Variants in DDX52 observed in about 807,000 individuals in gnomAD.
DDX52 encodes DExD-box helicase 52, also known as probable ATP-dependent RNA helicase DDX52.
Under a neutral mutation model 76.1 loss-of-function variants are expected in DDX52, and 59 were observed. The observed-to-expected ratio is 0.78, with a 90% CI of 0.63 to 0.96. DDX52 has a LOEUF of 0.96. Ranked by LOEUF, DDX52 falls within the 40% of genes least tolerant of loss-of-function variation. The probability of loss-of-function intolerance (pLI) is 0.00; values close to 1 mark genes in which losing one functional copy is unlikely to be tolerated. For synonymous variants in DDX52, 231 were observed against 244.1 expected (o/e 0.95, Z 0.50); for missense variants, 707 against 703.9 (o/e 1.00, Z -0.05).
intron 4 of DDX52, 69 bp downstream of exon 4, chr17:37,632,044 G>C: frequency 2.5e-6 from 4 of 1,597,750 alleles, no homozygotes; most frequent in Non-Finnish European, 3.4e-6. Flanking sequence ...AGTTCAAGAA[G>C]AGAGGGAAGA....
At chr17:37,626,537 G>A (rs1335396422) in intron 7 of DDX52, among the ~76,000 whole-genome samples, 2 of 152,078 alleles carry the variant, frequency 1.3e-5, no homozygotes, top group African/African-American at 2.4e-5. Context: ...GCATGAAAAC[G>A]GACTAACACA....
chr17:37,621,054 T>A, intron 11 of DDX52, 73 bp downstream of exon 11: 2 of 1,555,284 alleles, frequency 1.3e-6, no homozygotes, highest in South Asian at 1.2e-5. Context: ...AGTGAGCATA[T>A]GTGCAGGGAA....
At chr17:37,624,208 C>T (rs997611134) in intron 9 of DDX52, 136 bp downstream of exon 9, 38 of 548,334 alleles carry the variant, frequency 6.9e-5, no homozygotes, top group Non-Finnish European at 3.2e-6. Context: ...AATGTACTTT[C>T]TTATCAATTT....
chr17:37,616,395 C>T (rs1226843396), intron 14 of DDX52, among the ~76,000 whole-genome samples: 1 of 151,896 alleles, frequency 6.6e-6, no homozygotes, highest in Non-Finnish European at 1.5e-5. Context: ...CTTGTAATCC[C>T]AGCACTTTGG....
rs765202428 is a variant in DDX52, at chr17:37,633,335, C to T, written c.370G>A (p.Glu124Lys). 1 of 1,611,960 alleles carries T rather than the reference C, an allele frequency of 6.2e-7. No individual in the cohort carries two copies. The highest frequency in any genetic ancestry group is 1.7e-5 in the Admixed American group (1 of 59,890). The change falls in exon 3 of 15, where the codon GAA becomes AAA. Residue 124 changes from glutamate (E) to lysine (K), a missense_variant. Coordinates refer to ENST00000617633, the MANE Select transcript of DDX52 (RefSeq NM_007010.5). ...AKIEDKKVQR[E>K]SKLTSGKLEN... Reference sequence around the variant, plus strand: ...AACTTTCCGGAAGTTAGTTTACTTTCTCTCTGAACTTTTTTGTCTTCAATC... The same window carrying T: ...AACTTTCCGGAAGTTAGTTTACTTTTTCTCTGAACTTTTTTGTCTTCAATC...
Position 37,614,085 on chromosome 17 carries a change from A to C in DDX52, c.*211T>G. 3.9e-6 allele frequency: 2 copies of C among 517,854 alleles called. No individual in the cohort carries two copies. Among genetic ancestry groups the C allele is most frequent in the Non-Finnish European group, 6.7e-6 (2 of 300,572 alleles). The allele number at this position is 517,854 out of a possible 1,614,324, so 32.1% of individuals were successfully genotyped here. ...CAAGACCAGCCTGGACAACATGGCA[A>C]GACCCTCATCTCTACAGGAAAAAAA... On this transcript the variant is annotated 3_prime_UTR_variant, in exon 15 of 15. Transcript: ENST00000617633.
At chr17:37,623,230 C>T (rs1439125195) in intron 9 of DDX52, among the ~76,000 whole-genome samples, 10 of 152,290 alleles carry the variant, frequency 6.6e-5, no homozygotes, top group African/African-American at 2.4e-4. Flanking sequence ...ATTCACCTTA[C>T]ATATTACTGT....
chr17:37,640,064 T>C (rs1236157761), intron 2 of DDX52, among the ~76,000 whole-genome samples: 2 of 152,226 alleles, frequency 1.3e-5, no homozygotes, highest in Admixed American at 1.3e-4. Context: ...TGTGTTACAA[T>C]GAACAAGGCA....
rs1469474933 is a variant in DDX52 at position 37,640,998 on chromosome 17, AAAC to A, written c.286+1109_286+1111del. On this transcript the variant is annotated intron_variant, in intron 2 of 14. Transcript: ENST00000617633. ...GACTCTGTCTCAAAAGCAAACAAAC[AAAC>A]AACAAAAAAACAAAAACCTCTGTCA... is the stretch of plus-strand genomic sequence containing the variant. 1.6e-4 allele frequency among the ~76,000 whole-genome samples: 25 copies of A among 152,068 alleles called. No individual in the cohort carries two copies. In the East Asian group the frequency reaches 3.1e-3, roughly 19 times the overall value.
chr17:37,614,317 T>A lies in DDX52; in HGVS notation c.1779A>T (p.Val593=). ...KVTGQNSKKK[V]ALEDKS ...GTTTTTAACTTTTGTCTTCAAGAGCTACTTTCTTCTTGCTGTTCTGACCAG... is the reference window on the plus strand; with the variant it reads ...GTTTTTAACTTTTGTCTTCAAGAGCAACTTTCTTCTTGCTGTTCTGACCAG... The change falls in exon 15 of 15, where the codon GTA becomes GTT. Residue 593 remains valine (V), a synonymous_variant. Coordinates refer to ENST00000617633, the MANE Select transcript of DDX52 (RefSeq NM_007010.5). 1.9e-6 allele frequency: 3 copies of A among 1,613,000 alleles called. No individual in the cohort carries two copies. Among genetic ancestry groups the A allele is most frequent in the Non-Finnish European group, 2.5e-6 (3 of 1,179,726 alleles).
chr17:37,619,872 T>A, intron 12 of DDX52, 33 bp from the exon 13 acceptor site: 1 of 1,603,356 alleles, frequency 6.2e-7, no homozygotes, highest in South Asian at 1.1e-5. Context: ...TAAACTTGTA[T>A]CTTTGCTAAA....
rs757370288 is a variant in DDX52, at chr17:37,632,208, A to G, written c.508T>C (p.Tyr170His). The change falls in exon 4 of 15, where the codon TAT (tyrosine) becomes CAT (histidine). Residue 170 changes from tyrosine (Y) to histidine (H), a missense_variant. Tyr to His is a moderately conservative substitution (Grantham distance 83). Coordinates refer to ENST00000617633, the MANE Select transcript of DDX52 (RefSeq NM_007010.5). ...TGAAGTAGTCGAGAATTGATTTTAT[A>G]TTCCTGGTCAAGTTGCTGAAATGTA... Reference protein sequence around the residue: ...IATFQQLDQEYKINSRLLQNI... With the variant: ...IATFQQLDQEHKINSRLLQNI... 1 of 1,613,964 alleles carries G rather than the reference A, an allele frequency of 6.2e-7. No homozygotes were observed. Among genetic ancestry groups the G allele is most frequent in the Non-Finnish European group, 8.5e-7 (1 of 1,179,986 alleles).
At chr17:37,615,932 T>C (rs1344788858) in intron 14 of DDX52, among the ~76,000 whole-genome samples, 2 of 152,044 alleles carry the variant, frequency 1.3e-5, no homozygotes, top group African/African-American at 4.8e-5. Context: ...GAGAATCACT[T>C]GAACCCGGGA....
In DDX52 at chr17:37,621,288, G is replaced by A; in HGVS notation, c.1351-11C>T. The A allele has an allele frequency of 6.2e-7, 1 of 1,601,134 alleles. No homozygotes were observed. Among genetic ancestry groups the A allele is most frequent in the Non-Finnish European group, 8.5e-7 (1 of 1,175,422 alleles). On this transcript the variant is annotated splice_polypyrimidine_tract_variant and intron_variant, in intron 10 of 14. Coordinates refer to ENST00000617633, the MANE Select transcript of DDX52 (RefSeq NM_007010.5). ...GACTGTGTTATCTCTCTGGTTAACAGAATATATATTAAATTGTTTTAGAAT... is the reference window on the plus strand; with the variant it reads ...GACTGTGTTATCTCTCTGGTTAACAAAATATATATTAAATTGTTTTAGAAT...
chr17:37,627,293 C>G (rs1488939359), intron 6 of DDX52, among the ~76,000 whole-genome samples: 2 of 152,196 alleles, frequency 1.3e-5, no homozygotes, highest in Non-Finnish European at 2.9e-5. Context: ...AGCTCTGCCT[C>G]CCGGGTTCAC....
intron 5 of DDX52, among the ~76,000 whole-genome samples, chr17:37,629,229 ACAC>A (rs2030554954): frequency 1.5e-3 from 3 of 1,960 alleles, no homozygotes; most frequent in African/African-American, 5.3e-3. Context: ...AAGAAAAAAT[ACAC>A]ACACACACAC....
At position 37,632,204 on chromosome 17, in the gene DDX52, T is replaced by G; in HGVS notation, c.512A>C (p.Lys171Thr). 6.2e-7 allele frequency: 1 copy of G among 1,613,976 alleles called. No homozygotes were observed. Among genetic ancestry groups the G allele is most frequent in the Non-Finnish European group, 8.5e-7 (1 of 1,179,996 alleles). The change falls in exon 4 of 15, where the codon AAA (lysine) becomes ACA (threonine). Residue 171 changes from lysine (K) to threonine (T), a missense_variant. Transcript: ENST00000617633. ...ATFQQLDQEY[K>T]INSRLLQNIL... Reference sequence around the variant, plus strand: ...GTTCTGAAGTAGTCGAGAATTGATTTTATATTCCTGGTCAAGTTGCTGAAA... The same window carrying G: ...GTTCTGAAGTAGTCGAGAATTGATTGTATATTCCTGGTCAAGTTGCTGAAA...
intron 13 of DDX52, 67 bp downstream of exon 13, chr17:37,619,701 G>GAA (rs200572048): frequency 1.2e-3 from 1,392 of 1,152,864 alleles, no homozygotes; most frequent in Middle Eastern, 1.7e-3. Flanking sequence ...AACAGAGCAA[G>GAA]AAAAAAAAAA....
chr17:37,615,048 G>A (rs2064408676), intron 14 of DDX52: 1 of 152,268 alleles, frequency 6.6e-6, no homozygotes, highest in Admixed American at 6.5e-5. Context: ...ATGGGGCTGA[G>A]TTTGTGATGC....
Sources: allele counts gnomAD v4.1 joint callset (sites outside exome capture counted in the v4.1 genomes callset), GRCh38; gene constraint gnomAD v4.1.1; transcripts MANE v1.5; gene names NCBI Gene and HGNC (gene_info 2026-07-23, HGNC 2026-07-21).